The following KREMEN1 variants were observed in gnomAD, a reference collection of about 807,000 sequenced individuals.
KREMEN1 encodes the protein kringle containing transmembrane protein 1.
Under a neutral mutation model 46.5 loss-of-function variants are expected in KREMEN1, and 30 were observed. The observed-to-expected ratio is 0.65, with a 90% CI of 0.48 to 0.88. KREMEN1 has a LOEUF of 0.88. Ranked by LOEUF, KREMEN1 falls within the 40% of genes least tolerant of loss-of-function variation. KREMEN1 has a pLI of 0.00. For missense variants in KREMEN1, 533 were observed against 596.9 expected (o/e 0.89, Z 1.11); for synonymous variants, 214 against 230.6 (o/e 0.93, Z 0.65).
At chr22:29,103,283 G>A (rs1289444268) in intron 3 of KREMEN1, among the ~76,000 whole-genome samples, 5 of 152,204 alleles carry the variant, frequency 3.3e-5, no homozygotes, top group Non-Finnish European at 7.3e-5. Context: ...GCAGGAGCCA[G>A]GGGGAATGAA....
downstream of KREMEN1, among the ~76,000 whole-genome samples, chr22:29,148,451 T>G (rs78652970): frequency 0.014 from 2,041 of 151,020 alleles, 39 homozygotes; most frequent in African/African-American, 0.045. Flanking sequence ...GGCAAAATTG[T>G]TTTTTTTGTT....
chr22:29,144,038 G>C lies in KREMEN1; in HGVS notation c.*1926G>C, dbSNP rs1051332152. On this transcript the variant is annotated 3_prime_UTR_variant, in exon 9 of 9. Coordinates refer to ENST00000400335, the MANE Select transcript of KREMEN1 (RefSeq NM_001039570.3). ...AAAAGTCCTTGCCATCTGGAATCAG[G>C]CTTTGTCAACAGCAGCTGAGAAAAG... 4.3e-5 allele frequency: 42 copies of C among 985,484 alleles called. No homozygotes were observed. The highest frequency in any genetic ancestry group is 4.8e-5 in the Non-Finnish European group (40 of 830,048). 61.0% of individuals were successfully genotyped at this position (985,484 alleles called of 1,614,324 possible). A position where few individuals can be genotyped will look rare whatever the true frequency, so the allele number is the denominator to read the frequency against.
At chr22:29,084,190 G>C (rs371361232) in intron 1 of KREMEN1, among the ~76,000 whole-genome samples, 6 of 152,144 alleles carry the variant, frequency 3.9e-5, no homozygotes, top group African/African-American at 1.4e-4. Context: ...AGGATGACCA[G>C]AGGTCACTTT....
intron 1 of KREMEN1, among the ~76,000 whole-genome samples, chr22:29,086,431 C>T (rs1046655377): frequency 1.3e-5 from 2 of 152,176 alleles, no homozygotes; most frequent in African/African-American, 2.4e-5. Context: ...GATCTGATGA[C>T]ATTCCTCTAT....
intron 3 of KREMEN1, among the ~76,000 whole-genome samples, chr22:29,119,463 C>G (rs956495778): frequency 4.6e-5 from 7 of 152,206 alleles, no homozygotes; most frequent in Non-Finnish European, 7.3e-5. Flanking sequence ...ACTGAAAGTT[C>G]CAAGCTTTTA....
At chr22:29,131,549 T>C (rs2038536750) in intron 5 of KREMEN1, among the ~76,000 whole-genome samples, 1 of 98,502 alleles carries the variant, frequency 1.0e-5, no homozygotes, top group Non-Finnish European at 1.9e-5. Flanking sequence ...TATATATATA[T>C]ATATATATAT....
At chr22:29,076,459 T>G (rs769266197) in intron 1 of KREMEN1, among the ~76,000 whole-genome samples, 8 of 152,238 alleles carry the variant, frequency 5.3e-5, no homozygotes, top group Non-Finnish European at 1.2e-4. Context: ...TACCAGTTAC[T>G]TGCATACTCT....
chr22:29,167,203 G>C (rs975453199), exon 10 of KREMEN1: 61 of 1,002,642 alleles, frequency 6.1e-5, no homozygotes, highest in South Asian at 4.1e-4. Context: ...GAAATGGTGG[G>C]CTCTCTCTGG....
intron 1 of KREMEN1, among the ~76,000 whole-genome samples, chr22:29,074,539 G>T (rs2037535790): frequency 6.6e-6 from 1 of 152,182 alleles, no homozygotes; most frequent in Admixed American, 6.5e-5. Flanking sequence ...AAGGCAAGAG[G>T]GCGTTGCATT....
intron 1 of KREMEN1, among the ~76,000 whole-genome samples, chr22:29,075,903 CAGTT>C (rs1203284043): frequency 6.6e-5 from 10 of 152,152 alleles, no homozygotes; most frequent in Non-Finnish European, 1.5e-4. Context: ...TTTATAAAAA[CAGTT>C]AGCTCATTCC....
chr22:29,140,237 C>G, intron 7 of KREMEN1, 45 bp from the exon 8 acceptor site: 1 of 1,541,326 alleles, frequency 6.5e-7, no homozygotes, highest in Non-Finnish European at 9.0e-7. Context: ...CTTTCGAAAA[C>G]CAACCATAAA....
chr22:29,161,001 G>C (rs1243350680), intron 9 of KREMEN1, among the ~76,000 whole-genome samples: 2 of 150,542 alleles, frequency 1.3e-5, no homozygotes, highest in African/African-American at 2.4e-5. Flanking sequence ...AAGAAAGAGA[G>C]ATCAAATAAG....
intron 1 of KREMEN1, among the ~76,000 whole-genome samples, chr22:29,087,130 C>CT (rs975604369): frequency 8.5e-5 from 13 of 152,146 alleles, no homozygotes; most frequent in African/African-American, 3.1e-4. Context: ...GTTTCATAGA[C>CT]TTTTTTAAAG....
chr22:29,162,187 A>C (rs7289117), intron 9 of KREMEN1, among the ~76,000 whole-genome samples: 2,815 of 152,330 alleles, frequency 0.018, 32 homozygotes, highest in Non-Finnish European at 0.029. Context: ...TTGGTTCAAC[A>C]TGCATGAATC....
At chr22:29,095,720 C>T (rs2037873720) in intron 2 of KREMEN1, among the ~76,000 whole-genome samples, 1 of 152,198 alleles carries the variant, frequency 6.6e-6, no homozygotes, top group Admixed American at 6.5e-5. Context: ...TTTGCTAACG[C>T]TCTAGGGCCC....
chr22:29,141,181 A>T (rs1270494548), intron 8 of KREMEN1, among the ~76,000 whole-genome samples: 15 of 152,004 alleles, frequency 9.9e-5, no homozygotes, highest in Admixed American at 9.8e-4. Flanking sequence ...CTTTACATAG[A>T]CACCTCCACC....
chr22:29,098,834 T>C (rs1569317605), intron 2 of KREMEN1, 28 bp from the exon 3 acceptor site: 1 of 1,518,918 alleles, frequency 6.6e-7, no homozygotes, highest in East Asian at 2.3e-5. Context: ...ACATCAGAAG[T>C]CATCAATTGT....
chr22:29,085,379 A>G (rs761854273), intron 1 of KREMEN1, among the ~76,000 whole-genome samples: 1 of 152,168 alleles, frequency 6.6e-6, no homozygotes, highest in Non-Finnish European at 1.5e-5. Context: ...CAGATATGTC[A>G]CCTCATCTGT....
chr22:29,124,254 A>G (rs1432114476), intron 4 of KREMEN1, among the ~76,000 whole-genome samples: 1 of 152,220 alleles, frequency 6.6e-6, no homozygotes, highest in Non-Finnish European at 1.5e-5. Flanking sequence ...TACAAACACC[A>G]ATTTGGATGA....
Sources: allele counts gnomAD v4.1 joint callset (sites outside exome capture counted in the v4.1 genomes callset), GRCh38; gene constraint gnomAD v4.1.1; transcripts MANE v1.5; gene names NCBI Gene and HGNC (gene_info 2026-07-23, HGNC 2026-07-21).